MLLT10: variants seen among roughly 807,000 people sequenced by gnomAD.
MLLT10 encodes MLLT10 histone lysine methyltransferase DOT1L cofactor, also known as protein AF-10.
In MLLT10, 30 loss-of-function variants were observed where a neutral mutation model predicts 129.1. The observed-to-expected ratio is 0.23, with a 90% CI of 0.17 to 0.32. MLLT10 has a LOEUF of 0.32. MLLT10 is among the 10% of genes least tolerant of loss of function. The probability of loss-of-function intolerance (pLI) is 1.00; values close to 1 mark genes in which losing one functional copy is unlikely to be tolerated. For synonymous variants in MLLT10, 490 were observed against 446.4 expected, an observed-to-expected ratio of 1.10 and a Z score of -1.23; for missense variants, 1,119 against 1,268.3, an observed-to-expected ratio of 0.88 and a Z score of 1.79.
chr10:21,732,344 TGGGCGCACACATA>T (rs2058039539), intron 17 of MLLT10, among the ~76,000 whole-genome samples: 1 of 152,184 alleles, frequency 6.6e-6, no homozygotes, highest in Non-Finnish European at 1.5e-5. Context: ...GAGAGGTGGC[TGGGCGCACACATA>T]GCGCTCCCTG....
chr10:21,555,489 C>T (rs925092907), intron 3 of MLLT10, among the ~76,000 whole-genome samples: 9 of 152,108 alleles, frequency 5.9e-5, no homozygotes, highest in Admixed American at 5.2e-4. Context: ...TCCCAAAGTG[C>T]TGGGATTACA....
rs781555449 is a variant in MLLT10, at chr10:21,667,367, G to GT, written c.796-3070dup. ...TACTTGAGGTTCTTAAACTGTGGGG[G>GT]TTTTTTTTTTTTCATCAATTTTATA... On this transcript the variant is annotated intron_variant, in intron 9 of 22. Transcript: ENST00000307729. Among the ~76,000 whole-genome samples, 1,071 of 139,464 alleles carry GT rather than the reference G, an allele frequency of 7.7e-3. 6 individuals carry two copies. The highest frequency in any genetic ancestry group is 0.023 in the African/African-American group (888 of 38,712). 91.5% of individuals were successfully genotyped at this position (139,464 alleles called of 152,430 possible).
chr10:21,643,053 G>T (rs1021344712), intron 8 of MLLT10, among the ~76,000 whole-genome samples: 1 of 151,690 alleles, frequency 6.6e-6, no homozygotes, highest in African/African-American at 2.4e-5. Context: ...ATTTTTTTGA[G>T]ACAGAGTCTC....
chr10:21,583,488 T>C (rs764949736), intron 3 of MLLT10, among the ~76,000 whole-genome samples: 2 of 152,168 alleles, frequency 1.3e-5, no homozygotes, highest in African/African-American at 2.4e-5. Context: ...TGTTTCAGGT[T>C]AAAGGAATAC....
intron 9 of MLLT10, among the ~76,000 whole-genome samples, chr10:21,661,297 A>T (rs930859224): frequency 6.6e-6 from 1 of 152,222 alleles, no homozygotes; most frequent in African/African-American, 2.4e-5. Flanking sequence ...GAAGTAGTCT[A>T]CAGATGTCAA....
rs535475300 is a variant in MLLT10, at chr10:21,734,206, T to G, written c.2858+77T>G. The G allele has an allele frequency of 2.0e-6, 3 of 1,490,356 alleles. No homozygotes were observed. The African/African-American group carries it at 4.2e-5, about 21-fold the overall frequency. The allele number at this position is 1,490,356 out of a possible 1,614,324, so 92.3% of individuals were successfully genotyped here. On this transcript the variant is annotated intron_variant, in intron 20 of 22. Coordinates refer to ENST00000307729, the MANE Select transcript of MLLT10 (RefSeq NM_001195626.3). ...TTGTCTATGCCTTAGATTGGGGCTT[T>G]CAATGTGTTCCTTTGTAGATACACC...
chr10:21,552,144 T>C (rs2037157635), intron 3 of MLLT10, among the ~76,000 whole-genome samples: 1 of 152,166 alleles, frequency 6.6e-6, no homozygotes, highest in Non-Finnish European at 1.5e-5. Context: ...TAGGCTGGTC[T>C]CGATCTCCTG....
rs1442382896 is a variant in MLLT10 at position 21,689,567 on chromosome 10, A to ATATATATATATATATATGTATG, written c.1699+7327_1699+7328insGTATGTATATATATATATATAT. Among the ~76,000 whole-genome samples, 88 of 60,292 alleles carry ATATATATATATATATATGTATG rather than the reference A, an allele frequency of 1.5e-3. 1 individual carries two copies. Among genetic ancestry groups the ATATATATATATATATATGTATG allele is most frequent in the African/African-American group, 4.8e-3 (83 of 17,264 alleles). The allele number at this position is 60,292 out of a possible 152,430, so 39.6% of individuals were successfully genotyped here. On this transcript the variant is annotated intron_variant, in intron 13 of 22. Transcript: ENST00000307729. ...AAGTAATATATATATATATATATGTATATATATATATATATATATATAGCG... is the reference window on the plus strand; with the variant it reads ...AAGTAATATATATATATATATATGTATATATATATATATATATGTATGTATATATATATATATATATATAGCG...
chr10:21,690,413 T>A (rs893894771), intron 13 of MLLT10, among the ~76,000 whole-genome samples: 3 of 152,158 alleles, frequency 2.0e-5, no homozygotes, highest in African/African-American at 7.2e-5. Context: ...TTAGAAATTT[T>A]AAAAATAGAT....
chr10:21,724,627 G>A (rs2057353339), intron 14 of MLLT10, among the ~76,000 whole-genome samples: 1 of 152,164 alleles, frequency 6.6e-6, no homozygotes, highest in South Asian at 2.1e-4. Context: ...AACATTTGTG[G>A]TTCTGTTAAA....
intron 14 of MLLT10, among the ~76,000 whole-genome samples, chr10:21,720,100 A>G (rs889250978): frequency 3.9e-5 from 6 of 152,230 alleles, no homozygotes; most frequent in Non-Finnish European, 5.9e-5. Context: ...TGGTTAATCT[A>G]TACAGTCCTG....
chr10:21,557,350 G>T (rs543114479), intron 3 of MLLT10, among the ~76,000 whole-genome samples: 1 of 152,274 alleles, frequency 6.6e-6, no homozygotes, highest in South Asian at 2.1e-4. Flanking sequence ...CCACGTACAA[G>T]AAGTTCTTTT....
intron 13 of MLLT10, among the ~76,000 whole-genome samples, chr10:21,683,999 T>A (rs537322704): frequency 8.5e-5 from 13 of 152,058 alleles, no homozygotes; most frequent in Admixed American, 1.3e-4. Flanking sequence ...ATTTTATTTT[T>A]TTTTCTAACT....
At chr10:21,623,134 C>T (rs2046064394) in intron 8 of MLLT10, among the ~76,000 whole-genome samples, 1 of 152,194 alleles carries the variant, frequency 6.6e-6, no homozygotes. Context: ...TCAGGAAGCT[C>T]TTAGAACTTC....
chr10:21,565,890 G>A (rs1360245714), intron 3 of MLLT10, among the ~76,000 whole-genome samples: 1 of 149,818 alleles, frequency 6.7e-6, no homozygotes, highest in African/African-American at 2.5e-5. Flanking sequence ...ACAGGCATGA[G>A]CCACCATGCT....
intron 11 of MLLT10, among the ~76,000 whole-genome samples, chr10:21,679,168 T>C (rs2052493600): frequency 6.6e-6 from 1 of 152,222 alleles, no homozygotes; most frequent in Non-Finnish European, 1.5e-5. Flanking sequence ...TGTTTTATAG[T>C]GACTTGTACA....
chr10:21,677,851 A>G (rs1269148304), intron 11 of MLLT10, among the ~76,000 whole-genome samples: 4 of 152,224 alleles, frequency 2.6e-5, no homozygotes, highest in Non-Finnish European at 5.9e-5. Flanking sequence ...TGTTTAAACT[A>G]TAACATTCAC....
chr10:21,672,605 TAA>T (rs1300450859), intron 10 of MLLT10, among the ~76,000 whole-genome samples: 4 of 152,118 alleles, frequency 2.6e-5, no homozygotes, highest in Non-Finnish European at 4.4e-5. Context: ...GCACCCAGCC[TAA>T]GTTTCTTATA....
intron 6 of MLLT10, among the ~76,000 whole-genome samples, chr10:21,613,419 A>G (rs1331105584): frequency 6.6e-6 from 1 of 152,196 alleles, no homozygotes; most frequent in African/African-American, 2.4e-5. Flanking sequence ...TCTGTTTTAT[A>G]CTACTATTGT....
Sources: gnomAD v4.1 joint callset for allele counts (sites outside exome capture counted in the v4.1 genomes callset) on GRCh38, gnomAD v4.1.1 for gene constraint, MANE v1.5 for transcripts, NCBI Gene and HGNC (gene_info 2026-07-23, HGNC 2026-07-21) for gene names.